The following COL4A4 variants were observed in gnomAD, a reference collection of about 807,000 sequenced individuals.
The protein encoded by COL4A4 is collagen type IV alpha 4 chain.
In COL4A4, 105 loss-of-function variants were observed where a neutral mutation model predicts 192.9. That is an observed-to-expected ratio of 0.54 (90% confidence interval 0.46 to 0.64). The LOEUF (loss-of-function observed/expected upper bound fraction) is 0.64. Ranked by LOEUF, COL4A4 falls within the 30% of genes least tolerant of loss-of-function variation. The pLI, the probability that COL4A4 is intolerant of heterozygous loss-of-function variation, is 0.00. For missense variants in COL4A4, 1,967 were observed against 2,169.3 expected (o/e 0.91, Z 1.85); for synonymous variants, 762 against 769.9 (o/e 0.99, Z 0.17).
At chr2:227,044,212 AG>A (rs1465675607) in intron 35 of COL4A4, among the ~76,000 whole-genome samples, 1 of 152,166 alleles carries the variant, frequency 6.6e-6, no homozygotes, top group Admixed American at 6.5e-5. Flanking sequence ...AGGACATTTT[AG>A]TTTTTTGGCC....
At chr2:227,155,540 T>G (rs2064269415) in intron 1 of COL4A4, among the ~76,000 whole-genome samples, 1 of 152,210 alleles carries the variant, frequency 6.6e-6, no homozygotes, top group African/African-American at 2.4e-5. Flanking sequence ...CACATTTGTT[T>G]TGCTTTATGA....
intron 4 of COL4A4, among the ~76,000 whole-genome samples, chr2:227,139,796 G>C (rs1486129511): frequency 6.6e-6 from 1 of 152,174 alleles, no homozygotes; most frequent in African/African-American, 2.4e-5. Flanking sequence ...TGTCTGGAAA[G>C]ACCAAACAAA....
the COL4A4 span, among the ~76,000 whole-genome samples, chr2:226,978,587 T>C: frequency 6.6e-6 from 1 of 152,214 alleles, no homozygotes; most frequent in South Asian, 2.1e-4. Context: ...CATTTGTTCA[T>C]TTATTTGTTC....
chr2:227,092,370 T>C (rs2059986364), intron 20 of COL4A4, among the ~76,000 whole-genome samples: 1 of 151,974 alleles, frequency 6.6e-6, no homozygotes, highest in Non-Finnish European at 1.5e-5. Context: ...AAAAAATATA[T>C]GGGAAATAGA....
Position 227,008,188 on chromosome 2 carries a change from C to G in COL4A4, c.4639G>C (p.Ala1547Pro). The G allele has an allele frequency of 1.2e-6, 2 of 1,614,192 alleles. No individual in the cohort carries two copies. Among genetic ancestry groups the G allele is most frequent in the Non-Finnish European group, 1.7e-6 (2 of 1,180,018 alleles). ...GAGAGTGGCATCATGGGGAGGGGCG[C>G]AGCGCTGGCCAGCCAGTAGGATCTG... ...NDRSYWLASA[A>P]PLPMMPLSEE... Residue 1547 changes from alanine to proline, a missense_variant, in exon 47 of 48, where the codon GCG becomes CCG. By Grantham distance (27) the Ala-to-Pro change is conservative. Transcript: ENST00000396625.
rs1961732502 is a variant in COL4A4, at chr2:227,004,745, CCACT to C, written c.*2576_*2579del. On this transcript the variant is annotated 3_prime_UTR_variant, in exon 48 of 48. Transcript: ENST00000396625. ...GGAAACCTGCCTGGATGAATGGGCT[CCACT>C]CACTGAGAATCAGAACCCAGAAGGA... 1 of 152,246 alleles carries C rather than the reference CCACT, an allele frequency of 6.6e-6. No homozygotes were observed. The highest frequency in any genetic ancestry group is 2.4e-5 in the African/African-American group (1 of 41,416). 9.4% of individuals were successfully genotyped at this position (152,246 alleles called of 1,614,324 possible).
rs1265933147 is a variant in COL4A4 at position 227,134,170 on chromosome 2, G to A, written c.192+5991C>T. The stretch of plus-strand genomic sequence containing the variant: ...ATTCTGATGCCTTTAAATGACAAAT[G>A]CACCGTCCAGCTCCTAGTAGCCCCA... On this transcript the variant is annotated intron_variant, in intron 4 of 47. Coordinates refer to ENST00000396625, the MANE Select transcript of COL4A4 (RefSeq NM_000092.5). Among the ~76,000 whole-genome samples the A allele has an allele frequency of 2.6e-5, 4 of 152,250 alleles. No homozygotes were observed. In the East Asian group the frequency reaches 5.8e-4, roughly 22 times the overall value.
intron 37 of COL4A4, among the ~76,000 whole-genome samples, chr2:227,041,836 GAAAGAAAGAA>G (rs1971229980): frequency 2.0e-5 from 1 of 50,162 alleles, no homozygotes; most frequent in Non-Finnish European, 3.6e-5. Flanking sequence ...AAGAAAGAAA[GAAAGAAAGAA>G]AGAGAAAGAA....
Position 227,118,712 on chromosome 2 carries a change from T to C in COL4A4, c.422A>G (p.His141Arg). The C allele has an allele frequency of 6.2e-7, 1 of 1,614,062 alleles. No homozygotes were observed. ...GPRGKPGMSG[H>R]NGSRGDPGFP... ...CCCTGGGTCACCTCTTGAGCCATTG[T>C]GGCCACTCATACCAGGTTTGCCTCT... Residue 141 changes from histidine to arginine, a missense_variant, in exon 7 of 48, where the codon CAC becomes CGC. Transcript: ENST00000396625.
Position 227,057,476 on chromosome 2 carries a change from T to C in COL4A4, c.2508A>G (p.Pro836=). The part of the protein sequence containing the change: ...HSCERGAPGI[P]GQPGLPGYPG... The stretch of plus-strand genomic sequence containing the variant: ...GATACCCAGGGAGTCCCGGTTGCCC[T>C]GGTATCCCTGGAGCACCTCTTTCAC... Residue 836 remains proline (P), a synonymous_variant, in exon 29 of 48, where the codon CCA becomes CCG. Coordinates refer to ENST00000396625, the MANE Select transcript of COL4A4 (RefSeq NM_000092.5). The C allele has an allele frequency of 6.2e-7, 1 of 1,611,750 alleles. No individual in the cohort carries two copies. Among genetic ancestry groups the C allele is most frequent in the Non-Finnish European group, 8.5e-7 (1 of 1,179,034 alleles).
intron 26 of COL4A4, among the ~76,000 whole-genome samples, chr2:227,061,405 C>G (rs978149730): frequency 2.0e-5 from 3 of 152,122 alleles, no homozygotes; most frequent in African/African-American, 2.4e-5. Flanking sequence ...GTGGAGGGAG[C>G]CTGTGAGCTG....
At chr2:226,987,339 TA>T in the COL4A4 span, among the ~76,000 whole-genome samples, 1,567 of 145,142 alleles carry the variant, frequency 0.011, 20 homozygotes, top group Middle Eastern at 0.025. Flanking sequence ...ACTTAAAGTA[TA>T]AAAAAAAAAA....
At chr2:226,984,128 C>G in the COL4A4 span, among the ~76,000 whole-genome samples, 1 of 152,244 alleles carries the variant, frequency 6.6e-6, no homozygotes, top group South Asian at 2.1e-4. Flanking sequence ...CACATCTGTT[C>G]ACCGCTCTGA....
intron 17 of COL4A4, among the ~76,000 whole-genome samples, chr2:227,100,011 TGTCTAACTTG>T (rs1473934893): frequency 6.6e-6 from 1 of 152,242 alleles, no homozygotes; most frequent in East Asian, 1.9e-4. Context: ...TGAGCATTAA[TGTCTAACTTG>T]GCATCGATGA....
intron 22 of COL4A4, among the ~76,000 whole-genome samples, chr2:227,087,103 T>G (rs192193550): frequency 1.7e-4 from 26 of 152,266 alleles, no homozygotes; most frequent in Non-Finnish European, 3.2e-4. Context: ...GAGGGCTCTC[T>G]CCAGTCTCCA....
chr2:227,088,958 G>T (rs1370009005), intron 21 of COL4A4, 142 bp from the exon 22 acceptor site: 2 of 974,604 alleles, frequency 2.1e-6, no homozygotes, highest in African/African-American at 1.6e-5. Context: ...AGCACGTGCT[G>T]TGGGGGCTGG....
At position 227,122,283 on chromosome 2, in the gene COL4A4, G is replaced by A. The variant is rs141718598; in HGVS notation, c.193-1135C>T. On this transcript the variant is annotated intron_variant, in intron 4 of 47. Coordinates refer to ENST00000396625, the MANE Select transcript of COL4A4 (RefSeq NM_000092.5). ...GCACTCTGGGAGGCCGAGGCGGGCA[G>A]ATCACCTGAGGTCAAGAGTTCGACT... Among the ~76,000 whole-genome samples, 901 of 152,312 alleles carry A rather than the reference G, an allele frequency of 5.9e-3. 6 individuals carry two copies. The highest frequency in any genetic ancestry group is 0.02 in the African/African-American group (847 of 41,558).
chr2:227,144,729 G>T (rs536159189), intron 2 of COL4A4, among the ~76,000 whole-genome samples, 171 bp from the exon 3 acceptor site: 8 of 152,142 alleles, frequency 5.3e-5, no homozygotes, highest in Non-Finnish European at 1.0e-4. Flanking sequence ...CTCTCTGGCT[G>T]CCATCATTGC....
chr2:227,100,066 A>G (rs2060421890), intron 17 of COL4A4, among the ~76,000 whole-genome samples: 1 of 152,232 alleles, frequency 6.6e-6, no homozygotes, highest in Non-Finnish European at 1.5e-5. Context: ...GTCCGAATCT[A>G]CATTTTATTT....
Sources: gnomAD v4.1 joint callset for allele counts (sites outside exome capture counted in the v4.1 genomes callset) on GRCh38, gnomAD v4.1.1 for gene constraint, MANE v1.5 for transcripts, NCBI Gene and HGNC (gene_info 2026-07-23, HGNC 2026-07-21) for gene names.